The following MID1 variants were observed in gnomAD, a reference collection of about 807,000 sequenced individuals.
MID1 encodes the protein midline 1, also known as E3 ubiquitin-protein ligase Midline-1.
A neutral mutation model predicts 40.4 loss-of-function variants in MID1; 7 were observed. The ratio of observed to expected loss-of-function variants is 0.17; its 90% CI spans 0.10 to 0.33. The LOEUF is 0.33. MID1 is among the 10% of genes least tolerant of loss of function. The pLI is 1.00. For missense variants in MID1, 367 were observed against 558.5 expected (o/e 0.66, Z 3.46); for synonymous variants, 229 against 221.2 (o/e 1.04, Z -0.31).
At chrX:10,761,287 G>A (rs1054709940) in intron 1 of MID1, among the ~76,000 whole-genome samples, 3 of 111,528 alleles carry the variant, frequency 2.7e-5, no homozygotes, top group South Asian at 7.5e-4. Context: ...GTGCACTAAC[G>A]AATTTTCTAT....
intron 9 of MID1, among the ~76,000 whole-genome samples, chrX:10,452,795 G>T (rs1386823691): frequency 2.7e-5 from 3 of 111,600 alleles, no homozygotes; most frequent in Non-Finnish European, 5.6e-5. Flanking sequence ...GACATCTGGA[G>T]GGTGTTTTCA....
intron 1 of MID1, among the ~76,000 whole-genome samples, chrX:10,795,393 T>C (rs773123820): frequency 1.7e-4 from 19 of 112,533 alleles, no homozygotes; most frequent in Non-Finnish European, 3.0e-4. Flanking sequence ...TGTGTTTGAG[T>C]GGTGGATGTT....
chrX:10,655,543 TC>T (rs1428678611), intron 1 of MID1, among the ~76,000 whole-genome samples: 15 of 111,022 alleles, frequency 1.4e-4, no homozygotes, highest in Non-Finnish European at 2.4e-4. Flanking sequence ...ACCATTGTAT[TC>T]CTGTTTCTGT....
chrX:10,536,475 A>G (rs962118646), intron 2 of MID1, among the ~76,000 whole-genome samples: 11 of 112,900 alleles, frequency 9.7e-5, no homozygotes, highest in Non-Finnish European at 1.7e-4. Context: ...ATTTGAGTTT[A>G]CATATACAAC....
chrX:10,503,300 C>T (rs993074754), intron 3 of MID1, among the ~76,000 whole-genome samples: 1 of 111,254 alleles, frequency 9.0e-6, no homozygotes, highest in Non-Finnish European at 1.9e-5. Flanking sequence ...TGAGGAACAG[C>T]AGACAATATT....
rs1057520313 is a variant in MID1 at position 10,449,693 on chromosome X, T to C, written c.1679A>G (p.Lys560Arg). Residue 560 changes from lysine (K) to arginine (R), a missense_variant, in exon 10 of 10, where the codon AAA becomes AGA. Lys to Arg is a conservative substitution (Grantham distance 26). Transcript: ENST00000317552. ...AATCCATTCATGCTTCGGGGCTGAT[T>C]TGTAAGCAAGACCAATGGCATACCT... The part of the protein sequence containing the change: ...STWYAIGLAY[K>R]SAPKHEWIGK... 1.7e-6 allele frequency: 2 copies of C among 1,210,594 alleles called. No homozygotes were observed. The highest frequency in any genetic ancestry group is 2.2e-5 in the Admixed American group (1 of 46,042).
At chrX:10,625,744 C>A (rs1383133389) in intron 1 of MID1, among the ~76,000 whole-genome samples, 1 of 111,713 alleles carries the variant, frequency 9.0e-6, no homozygotes, top group Non-Finnish European at 1.9e-5. Context: ...GTTTTCATAC[C>A]AAGGCTCAAC....
intron 1 of MID1, among the ~76,000 whole-genome samples, chrX:10,746,278 C>T (rs940954917): frequency 9.0e-6 from 1 of 111,491 alleles, no homozygotes; most frequent in African/African-American, 3.3e-5. Context: ...TAGCTAAGGG[C>T]TGTTGTACTC....
At chrX:10,461,342 A>G (rs1245935071) in intron 7 of MID1, among the ~76,000 whole-genome samples, 1 of 110,381 alleles carries the variant, frequency 9.1e-6, no homozygotes, top group Non-Finnish European at 1.9e-5. Context: ...CAGCAGAGCA[A>G]TAAGAGGCAC....
At chrX:10,742,755 T>C (rs938763292) in intron 1 of MID1, among the ~76,000 whole-genome samples, 2 of 112,444 alleles carry the variant, frequency 1.8e-5, no homozygotes, top group African/African-American at 6.5e-5. Flanking sequence ...TATCCAGTCA[T>C]TGGAGCAATT....
intron 1 of MID1, among the ~76,000 whole-genome samples, chrX:10,801,320 A>G (rs2044005822): frequency 8.9e-6 from 1 of 112,161 alleles, no homozygotes. Context: ...GACAATTTCC[A>G]TACTAATAGA....
intron 1 of MID1, among the ~76,000 whole-genome samples, chrX:10,751,028 G>A (rs1322288524): frequency 9.0e-6 from 1 of 111,105 alleles, no homozygotes; most frequent in Admixed American, 9.6e-5. Context: ...ACTTTGGGAG[G>A]CTGAGACAGG....
At chrX:10,605,560 G>A (rs112854351) in intron 1 of MID1, among the ~76,000 whole-genome samples, 2 of 111,774 alleles carry the variant, frequency 1.8e-5, no homozygotes, top group African/African-American at 6.5e-5. Context: ...CATTTTCCTG[G>A]TTCTTATGGC....
At chrX:10,739,998 T>C (rs1486782209) in intron 1 of MID1, among the ~76,000 whole-genome samples, 2 of 112,619 alleles carry the variant, frequency 1.8e-5, no homozygotes, top group East Asian at 5.6e-4. Flanking sequence ...CAGACAGGGC[T>C]CCAAACTGCA....
rs1188169311 is a variant in MID1 at position 10,509,837 on chromosome X, C to T, written c.756+13255G>A. On this transcript the variant is annotated intron_variant, in intron 3 of 9. Coordinates refer to ENST00000317552, the MANE Select transcript of MID1 (RefSeq NM_000381.4). ...GATGTAGTTGGCCTCTAGAGGTGTTCCATTCACTCATCAATAGTCAAGTGC... is the reference window on the plus strand; with the variant it reads ...GATGTAGTTGGCCTCTAGAGGTGTTTCATTCACTCATCAATAGTCAAGTGC... Among the ~76,000 whole-genome samples, 6 of 112,060 alleles carry T rather than the reference C, an allele frequency of 5.4e-5. No individual in the cohort carries two copies. In the Admixed American group the frequency reaches 5.7e-4, roughly 11 times the overall value.
At chrX:10,650,459 A>G (rs1257487344) in intron 1 of MID1, among the ~76,000 whole-genome samples, 1 of 110,883 alleles carries the variant, frequency 9.0e-6, no homozygotes, top group Non-Finnish European at 1.9e-5. Flanking sequence ...ACAAAGAAGA[A>G]AACAATTACC....
intron 1 of MID1, among the ~76,000 whole-genome samples, chrX:10,668,589 A>G (rs1473242033): frequency 8.9e-6 from 1 of 112,609 alleles, no homozygotes; most frequent in Non-Finnish European, 1.9e-5. Context: ...AATAAAATTT[A>G]GTGAGCAAGC....
rs1014796013 is a variant in MID1 at position 10,572,706 on chromosome X, G to A, written c.-56-5103C>T. 2.7e-5 allele frequency among the ~76,000 whole-genome samples: 3 copies of A among 109,992 alleles called. No homozygotes were observed. In the Admixed American group the frequency reaches 2.9e-4, roughly 11 times the overall value. On this transcript the variant is annotated intron_variant, in intron 1 of 9. Transcript: ENST00000317552. ...AAGGAAATCACACATGCATATTGTTGTCAGGAAATCCTATAGCTTAACATT... is the reference window on the plus strand; with the variant it reads ...AAGGAAATCACACATGCATATTGTTATCAGGAAATCCTATAGCTTAACATT...
chrX:10,822,682 A>G (rs897425232), intron 1 of MID1, among the ~76,000 whole-genome samples: 3 of 112,248 alleles, frequency 2.7e-5, no homozygotes, highest in African/African-American at 9.7e-5. Flanking sequence ...GACACTTCTC[A>G]AAAGAAGACA....
Sources: allele counts gnomAD v4.1 joint callset (sites outside exome capture counted in the v4.1 genomes callset), GRCh38; gene constraint gnomAD v4.1.1; transcripts MANE v1.5; gene names NCBI Gene and HGNC (gene_info 2026-07-23, HGNC 2026-07-21).